Variants in LMNTD1 observed in about 807,000 individuals in gnomAD.
The protein encoded by LMNTD1 is lamin tail domain containing 1, also known as lamin tail domain-containing protein 1.
In LMNTD1, 35 loss-of-function variants were observed where a neutral mutation model predicts 50.9. The observed-to-expected ratio is 0.69, with a 90% CI of 0.53 to 0.91. LMNTD1 has a LOEUF of 0.91. Among genes scored for constraint, LMNTD1 ranks in the 40% least tolerant of loss-of-function variants. LMNTD1 has a pLI of 0.00. For synonymous variants in LMNTD1, 153 were observed against 161.9 expected (o/e 0.94, Z 0.42); for missense variants, 470 against 475.5 (o/e 0.99, Z 0.11).
chr12:25,596,609 A>C (rs571357399), intron 1 of LMNTD1, among the ~76,000 whole-genome samples: 1 of 152,122 alleles, frequency 6.6e-6, no homozygotes, highest in African/African-American at 2.4e-5. Flanking sequence ...ACTGTTCCAG[A>C]CAATCAAAGG....
intron 1 of LMNTD1, among the ~76,000 whole-genome samples, chr12:25,610,344 C>A (rs1057500164): frequency 6.6e-6 from 1 of 152,020 alleles, no homozygotes; most frequent in Non-Finnish European, 1.5e-5. Flanking sequence ...GTGGGCTGCA[C>A]CCACTTTCTG....
chr12:25,548,670 A>T (rs75357321), intron 3 of LMNTD1, among the ~76,000 whole-genome samples: 4,803 of 152,024 alleles, frequency 0.032, 111 homozygotes, highest in Non-Finnish European at 0.043. Flanking sequence ...TCAAAGGATG[A>T]TAGTGTTTTC....
chr12:25,616,511 A>G (rs1946356837), intron 1 of LMNTD1, among the ~76,000 whole-genome samples: 1 of 152,186 alleles, frequency 6.6e-6, no homozygotes, highest in Admixed American at 6.5e-5. Context: ...GACAAGATTC[A>G]AGTTTGTCAG....
At chr12:25,490,048 T>G (rs1028011407) in intron 9 of LMNTD1, among the ~76,000 whole-genome samples, 1 of 152,234 alleles carries the variant, frequency 6.6e-6, no homozygotes, top group Non-Finnish European at 1.5e-5. Context: ...CCTTTCTAAC[T>G]CTCTGCTTCT....
chr12:25,484,988 T>A (rs949689826), intron 9 of LMNTD1, among the ~76,000 whole-genome samples: 11 of 152,068 alleles, frequency 7.2e-5, no homozygotes, highest in African/African-American at 1.9e-4. Flanking sequence ...TCTTTATAGC[T>A]GCATGATTTA....
At chr12:25,562,778 C>G (rs11534745) in intron 1 of LMNTD1, among the ~76,000 whole-genome samples, 10 of 152,034 alleles carry the variant, frequency 6.6e-5, no homozygotes, top group Non-Finnish European at 1.2e-4. Flanking sequence ...TACACCAATC[C>G]GATGTAGATT....
chr12:25,492,287 T>C (rs374050344), intron 9 of LMNTD1, among the ~76,000 whole-genome samples: 1 of 152,260 alleles, frequency 6.6e-6, no homozygotes, highest in South Asian at 2.1e-4. Context: ...TTGATACTCT[T>C]AAAGGATGTC....
At chr12:25,519,044 G>A (rs1941031373) in intron 7 of LMNTD1, 77 bp from the exon 8 acceptor site, 2 of 1,346,412 alleles carry the variant, frequency 1.5e-6, no homozygotes, top group Admixed American at 2.2e-5. Context: ...CACAATTAAA[G>A]GGGAAGCATA....
chr12:25,645,162 G>A (rs1947040635), intron 1 of LMNTD1, among the ~76,000 whole-genome samples: 1 of 152,192 alleles, frequency 6.6e-6, no homozygotes. Flanking sequence ...TAGAGAAAAT[G>A]GCTAGTTAGG....
At chr12:25,522,859 T>A (rs1941422445) in intron 6 of LMNTD1, among the ~76,000 whole-genome samples, 2 of 152,180 alleles carry the variant, frequency 1.3e-5, no homozygotes, top group Admixed American at 1.3e-4. Flanking sequence ...GAAAGTAGAA[T>A]AACAATTATG....
At chr12:25,519,587 C>CAAAAAAAAAAAAAAAA (rs58304861) in intron 7 of LMNTD1, among the ~76,000 whole-genome samples, 24 of 94,702 alleles carry the variant, frequency 2.5e-4, no homozygotes, top group African/African-American at 1.2e-3. Flanking sequence ...GACTCTGTCT[C>CAAAAAAAAAAAAAAAA]AAAAAAAAAA....
intron 7 of LMNTD1, 97 bp from the exon 8 acceptor site, chr12:25,519,064 C>G: frequency 8.8e-7 from 1 of 1,140,176 alleles, no homozygotes; most frequent in Non-Finnish European, 1.3e-6. Flanking sequence ...ATTTCAAAAC[C>G]AAGAGAATAT....
chr12:25,548,909 C>T (rs1943589596), intron 3 of LMNTD1, among the ~76,000 whole-genome samples: 1 of 151,930 alleles, frequency 6.6e-6, no homozygotes, highest in African/African-American at 2.4e-5. Flanking sequence ...ATCTACCTGT[C>T]TATTCGTTAC....
chr12:25,562,088 G>C (rs898124341), intron 1 of LMNTD1, among the ~76,000 whole-genome samples: 20 of 152,140 alleles, frequency 1.3e-4, no homozygotes, highest in Non-Finnish European at 2.4e-4. Flanking sequence ...GACTCTTTAT[G>C]TAATTTGCCA....
intron 1 of LMNTD1, among the ~76,000 whole-genome samples, chr12:25,647,921 G>T (rs10842592): frequency 2.0e-5 from 3 of 151,910 alleles, no homozygotes; most frequent in Non-Finnish European, 4.4e-5. Context: ...ATTATCTGAG[G>T]ATGTTTTCTC....
At chr12:25,610,700 A>C (rs1312903402) in intron 1 of LMNTD1, among the ~76,000 whole-genome samples, 4 of 152,196 alleles carry the variant, frequency 2.6e-5, no homozygotes. Flanking sequence ...CAAGGGGTAG[A>C]GTAAAGGAGA....
intron 9 of LMNTD1, among the ~76,000 whole-genome samples, chr12:25,483,226 A>C (rs150345387): frequency 6.6e-6 from 1 of 151,160 alleles, no homozygotes; most frequent in Non-Finnish European, 1.5e-5. Context: ...GAAGTTGGAG[A>C]CCAGCCTTGG....
At chr12:25,556,161 C>T (rs1342018562), upstream of LMNTD1, among the ~76,000 whole-genome samples, 1 of 151,862 alleles carries the variant, frequency 6.6e-6, no homozygotes, top group Non-Finnish European at 1.5e-5. Flanking sequence ...TTAGTAGAGA[C>T]GAGGTTTCGC....
At chr12:25,615,872 T>C (rs1479754005) in intron 1 of LMNTD1, among the ~76,000 whole-genome samples, 4 of 152,190 alleles carry the variant, frequency 2.6e-5, no homozygotes, top group African/African-American at 9.7e-5. Flanking sequence ...TAAAAATAAA[T>C]TATTCTTTAT....
Sources: gnomAD v4.1 joint callset for allele counts (sites outside exome capture counted in the v4.1 genomes callset) on GRCh38, gnomAD v4.1.1 for gene constraint, MANE v1.5 for transcripts, NCBI Gene and HGNC (gene_info 2026-07-23, HGNC 2026-07-21) for gene names.